The following NCAM2 variants were observed in gnomAD, a reference collection of about 807,000 sequenced individuals.
NCAM2 encodes the protein neural cell adhesion molecule 2.
Under a neutral mutation model 98.1 loss-of-function variants are expected in NCAM2, and 30 were observed. That is an observed-to-expected ratio of 0.31 (90% CI 0.23 to 0.41). NCAM2 has a LOEUF of 0.41. Ranked by LOEUF, NCAM2 falls within the 10% of genes least tolerant of loss-of-function variation. NCAM2 has a pLI of 1.00. For missense variants in NCAM2, 867 were observed against 1,005.8 expected, an observed-to-expected ratio of 0.86 and a Z score of 1.87; for synonymous variants, 368 against 342.4, an observed-to-expected ratio of 1.07 and a Z score of -0.83.
chr21:21,458,702 C>T (rs1314414659), intron 12 of NCAM2, among the ~76,000 whole-genome samples: 2 of 152,162 alleles, frequency 1.3e-5, no homozygotes, highest in African/African-American at 4.8e-5. Flanking sequence ...GTTTATAAGC[C>T]TCCTAGTTTA....
intron 1 of NCAM2, among the ~76,000 whole-genome samples, chr21:21,055,781 T>G (rs1221056296): frequency 6.6e-6 from 1 of 152,040 alleles, no homozygotes; most frequent in African/African-American, 2.4e-5. Flanking sequence ...AACCTTACTT[T>G]CCCCATTTGT....
rs1990176908 is a variant in NCAM2 at position 21,540,256 on chromosome 21, T to C, written c.*2299T>C. On this transcript the variant is annotated 3_prime_UTR_variant, in exon 18 of 18. Coordinates refer to ENST00000400546, the MANE Select transcript of NCAM2 (RefSeq NM_004540.5). ...TGTAAAGAAATTGACATATATTTCA[T>C]ATATATATACACATATATATATATA... The C allele has an allele frequency of 7.3e-6, 1 of 136,632 alleles. No homozygotes were observed. Among genetic ancestry groups the C allele is most frequent in the African/African-American group, 2.7e-5 (1 of 37,486 alleles). 8.5% of individuals were successfully genotyped at this position (136,632 alleles called of 1,614,324 possible). A position where few individuals can be genotyped will look rare whatever the true frequency, so the allele number is the denominator to read the frequency against.
intron 1 of NCAM2, among the ~76,000 whole-genome samples, chr21:21,027,717 C>T (rs955111664): frequency 1.3e-5 from 2 of 152,284 alleles, no homozygotes; most frequent in South Asian, 2.1e-4. Context: ...TCATTTGATC[C>T]TTCTACACTT....
At chr21:21,533,653 T>G (rs1260007712) in intron 16 of NCAM2, among the ~76,000 whole-genome samples, 2 of 151,232 alleles carry the variant, frequency 1.3e-5, no homozygotes, top group South Asian at 4.1e-4. Flanking sequence ...CTTTAGTTTT[T>G]TTTTTTTTTT....
intron 16 of NCAM2, among the ~76,000 whole-genome samples, chr21:21,530,794 T>A (rs112918967): frequency 2.9e-4 from 44 of 152,128 alleles, no homozygotes; most frequent in African/African-American, 1.0e-3. Flanking sequence ...TGGACTGTTC[T>A]GTTTTGAATA....
chr21:21,277,553 T>C (rs181625018), intron 1 of NCAM2, among the ~76,000 whole-genome samples: 1 of 152,162 alleles, frequency 6.6e-6, no homozygotes, highest in Non-Finnish European at 1.5e-5. Flanking sequence ...AAATGCACAA[T>C]GGTAGGCAAG....
chr21:21,033,069 C>T (rs1038315199), intron 1 of NCAM2, among the ~76,000 whole-genome samples: 2 of 152,104 alleles, frequency 1.3e-5, no homozygotes, highest in African/African-American at 2.4e-5. Context: ...CTCTGCCTCC[C>T]AAGTAGCTGT....
intron 1 of NCAM2, among the ~76,000 whole-genome samples, chr21:21,057,552 G>C (rs1275215780): frequency 1.3e-5 from 2 of 152,050 alleles, no homozygotes; most frequent in Non-Finnish European, 2.9e-5. Flanking sequence ...CTGGGACAAA[G>C]TCCTCATGCA....
At chr21:21,290,279 C>G (rs149274614) in intron 4 of NCAM2, 1 of 152,016 alleles carries the variant, frequency 6.6e-6, no homozygotes, top group East Asian at 1.9e-4. Context: ...ATACAATGAT[C>G]TAAGTATGAT....
At chr21:21,300,653 A>G (rs943144310) in intron 5 of NCAM2, among the ~76,000 whole-genome samples, 3 of 152,084 alleles carry the variant, frequency 2.0e-5, no homozygotes, top group Non-Finnish European at 2.9e-5. Flanking sequence ...TATAACCTTA[A>G]GGTATACTGT....
intron 1 of NCAM2, among the ~76,000 whole-genome samples, chr21:21,045,439 T>C (rs1237513142): frequency 6.6e-6 from 1 of 152,114 alleles, no homozygotes; most frequent in Admixed American, 6.5e-5. Context: ...AGCTCAGGAA[T>C]TAGAGACCAA....
In NCAM2 at chr21:21,302,387, G is replaced by A. The variant is rs530000920; in HGVS notation, c.619+10146G>A. 1.3e-4 allele frequency among the ~76,000 whole-genome samples: 20 copies of A among 152,124 alleles called. No homozygotes were observed. In the South Asian group the frequency reaches 3.9e-3, roughly 30 times the overall value. Reference sequence around the variant, plus strand: ...ATGAATAGGGAGTTCTTTCCCCAGTGCTTGTTTTTTTGGCCTTGTTGAAGC... The same window carrying A: ...ATGAATAGGGAGTTCTTTCCCCAGTACTTGTTTTTTTGGCCTTGTTGAAGC... On this transcript the variant is annotated intron_variant, in intron 5 of 17. Transcript: ENST00000400546.
intron 8 of NCAM2, among the ~76,000 whole-genome samples, chr21:21,351,569 A>G (rs1022029780): frequency 6.6e-6 from 1 of 152,232 alleles, no homozygotes; most frequent in African/African-American, 2.4e-5. Flanking sequence ...GTTTTTATTA[A>G]AAACTTTTCT....
At chr21:21,288,205 A>G (rs1461964320) in intron 4 of NCAM2, among the ~76,000 whole-genome samples, 1 of 151,920 alleles carries the variant, frequency 6.6e-6, no homozygotes, top group Non-Finnish European at 1.5e-5. Flanking sequence ...TTCAATAAAG[A>G]TGCAGTTTTT....
At chr21:21,114,862 C>T (rs969553801) in intron 1 of NCAM2, among the ~76,000 whole-genome samples, 1 of 151,932 alleles carries the variant, frequency 6.6e-6, no homozygotes. Context: ...CTCTTGTCGC[C>T]CAGGCTGGAA....
rs901275713 is a variant in NCAM2, at chr21:21,530,263, T to A, written c.2283-4274T>A. Reference sequence around the variant, plus strand: ...TTTAAATTAATTATATATAATTTAATTTAATTATATATAATTTAATTTAAT... The same window carrying A: ...TTTAAATTAATTATATATAATTTAAATTAATTATATATAATTTAATTTAAT... On this transcript the variant is annotated intron_variant, in intron 16 of 17. Coordinates refer to ENST00000400546, the MANE Select transcript of NCAM2 (RefSeq NM_004540.5). Among the ~76,000 whole-genome samples the A allele has an allele frequency of 1.5e-4, 18 of 122,998 alleles. 1 individual carries two copies. Among genetic ancestry groups the A allele is most frequent in the East Asian group, 7.3e-4 (3 of 4,092 alleles). The allele number at this position is 122,998 out of a possible 152,430, so 80.7% of individuals were successfully genotyped here. A position where few individuals can be genotyped will look rare whatever the true frequency, so the allele number is the denominator to read the frequency against.
At chr21:21,234,803 C>T (rs896410531) in intron 1 of NCAM2, among the ~76,000 whole-genome samples, 2 of 151,892 alleles carry the variant, frequency 1.3e-5, no homozygotes, top group African/African-American at 4.8e-5. Context: ...AAATGCCTGA[C>T]CAACAGGTCA....
At chr21:21,128,926 T>C (rs759597063) in intron 1 of NCAM2, among the ~76,000 whole-genome samples, 2 of 152,166 alleles carry the variant, frequency 1.3e-5, no homozygotes, top group Non-Finnish European at 2.9e-5. Context: ...TATTAGAAGA[T>C]ATTGTGGGGA....
intron 1 of NCAM2, among the ~76,000 whole-genome samples, chr21:21,256,832 C>T (rs889250971): frequency 7.2e-5 from 11 of 152,118 alleles, no homozygotes; most frequent in South Asian, 4.1e-4. Flanking sequence ...GTTTCATATA[C>T]GCTGGAAATC....
Sources: allele counts gnomAD v4.1 joint callset (sites outside exome capture counted in the v4.1 genomes callset), GRCh38; gene constraint gnomAD v4.1.1; transcripts MANE v1.5; gene names NCBI Gene and HGNC (gene_info 2026-07-23, HGNC 2026-07-21).